The following SCML1 variants were observed in gnomAD, a reference collection of about 807,000 sequenced individuals.
SCML1 encodes the protein sex comb on midleg-like protein 1.
For missense variants in SCML1, 137 were observed against 258.1 expected, an observed-to-expected ratio of 0.53 and a Z score of 3.22; for synonymous variants, 104 against 103.6, an observed-to-expected ratio of 1.00 and a Z score of -0.02.
In SCML1 at chrX:17,754,110, A is replaced by G. The variant is rs2066740510; in HGVS notation, c.*718A>G. 1 of 111,994 alleles carries G rather than the reference A, an allele frequency of 8.9e-6. No homozygotes were observed. Among genetic ancestry groups the G allele is most frequent in the Non-Finnish European group, 1.9e-5 (1 of 53,197 alleles). The allele number at this position is 111,994 out of a possible 1,213,427, so 9.2% of individuals were successfully genotyped here. ...TACTTTTTTTCAAACAAACTATTAT[A>G]TTAAAACTGTCATATTTTGGCTAAG... On this transcript the variant is annotated 3_prime_UTR_variant, in exon 8 of 8. Coordinates refer to ENST00000380041, the MANE Select transcript of SCML1 (RefSeq NM_001037540.3).
intron 2 of SCML1, 99 bp from the exon 3 acceptor site, chrX:17,745,357 C>A: frequency 2.0e-6 from 1 of 501,814 alleles, no homozygotes; most frequent in Non-Finnish European, 3.5e-6. Flanking sequence ...CACAAATAGG[C>A]CTTTGTAACA....
intron 1 of SCML1, among the ~76,000 whole-genome samples, chrX:17,738,152 T>G (rs2066557443): frequency 8.9e-6 from 1 of 112,780 alleles, no homozygotes; most frequent in African/African-American, 3.2e-5. Context: ...TTCGCTGTTT[T>G]ATTGTAAATA....
intron 1 of SCML1, among the ~76,000 whole-genome samples, chrX:17,743,165 C>T (rs1001380220): frequency 8.0e-5 from 9 of 112,047 alleles, no homozygotes; most frequent in African/African-American, 2.9e-4. Context: ...TACTTCTATG[C>T]AACATTAGTC....
intron 6 of SCML1, 71 bp from the exon 7 acceptor site, chrX:17,751,742 ATC>A: frequency 9.4e-7 from 1 of 1,069,182 alleles, no homozygotes. Flanking sequence ...CTTACCTAAC[ATC>A]TCTTCTTTCA....
In SCML1 at chrX:17,754,599, A is replaced by G. The variant is rs1883526329; in HGVS notation, c.*1207A>G. 1 of 113,064 alleles carries G rather than the reference A, an allele frequency of 8.8e-6. No homozygotes were observed. The highest frequency in any genetic ancestry group is 9.4e-5 in the Admixed American group (1 of 10,669). 9.3% of individuals were successfully genotyped at this position (113,064 alleles called of 1,213,427 possible). A position where few individuals can be genotyped will look rare whatever the true frequency, so the allele number is the denominator to read the frequency against. Reference sequence around the variant, plus strand: ...GTAAGTTAGAACTTTCAAGGGAAACATGTTCAACACTATTATTTTGTTATA... The same window carrying G: ...GTAAGTTAGAACTTTCAAGGGAAACGTGTTCAACACTATTATTTTGTTATA... On this transcript the variant is annotated 3_prime_UTR_variant, in exon 8 of 8. Coordinates refer to ENST00000380041, the MANE Select transcript of SCML1 (RefSeq NM_001037540.3).
In SCML1 at chrX:17,754,319, T is replaced by C. The variant is rs1033765182; in HGVS notation, c.*927T>C. On this transcript the variant is annotated 3_prime_UTR_variant, in exon 8 of 8. Coordinates refer to ENST00000380041, the MANE Select transcript of SCML1 (RefSeq NM_001037540.3). ...AAAAAATTTGAAATGGCATTTTGTA[T>C]TGCCACAGAGGTAGGATGAGCCATA... The C allele has an allele frequency of 7.1e-5, 8 of 112,367 alleles. No individual in the cohort carries two copies. The highest frequency in any genetic ancestry group is 1.5e-4 in the Non-Finnish European group (8 of 53,247). The allele number at this position is 112,367 out of a possible 1,213,427, so 9.3% of individuals were successfully genotyped here.
Position 17,749,476 on chromosome X carries a change from T to C in SCML1, c.275T>C (p.Phe92Ser). ...IRRKVSKIQR[F>S]HARSLWTNHK... ...AGAAAGGTTTCAAAAATCCAACGTT[T>C]CCATGCGAGATCCCTGTGGACAAAT... Residue 92 changes from phenylalanine to serine, a missense_variant, in exon 5 of 8, where the codon TTC becomes TCC. Physicochemically the swap from Phe to Ser is radical, Grantham distance 155. Coordinates refer to ENST00000380041, the MANE Select transcript of SCML1 (RefSeq NM_001037540.3). 8.5e-7 allele frequency: 1 copy of C among 1,182,856 alleles called. No individual in the cohort carries two copies. The highest frequency in any genetic ancestry group is 1.8e-5 in the South Asian group (1 of 54,752).
At chrX:17,739,003 T>C (rs953133200) in intron 1 of SCML1, among the ~76,000 whole-genome samples, 14 of 112,530 alleles carry the variant, frequency 1.2e-4, no homozygotes, top group African/African-American at 4.5e-4. Flanking sequence ...ATTTCTGTGG[T>C]AAATACAAGT....
rs1456958702 is a variant in SCML1 at position 17,741,779 on chromosome X, A to ATG, written c.-116-2292_-116-2291insTG. Among the ~76,000 whole-genome samples the ATG allele has an allele frequency of 2.7e-5, 3 of 111,168 alleles. No homozygotes were observed. In the East Asian group the frequency reaches 8.5e-4, roughly 32 times the overall value. On this transcript the variant is annotated intron_variant, in intron 1 of 7. Coordinates refer to ENST00000380041, the MANE Select transcript of SCML1 (RefSeq NM_001037540.3). ...AAGGGGCTTTCCTGGCCCAACCAGA[A>ATG]ACAAACTAAGAACCCATGACTATAT...
At chrX:17,745,154 C>T (rs1238030206) in intron 2 of SCML1, 1 of 173,532 alleles carries the variant, frequency 5.8e-6, no homozygotes, top group African/African-American at 3.0e-5. Context: ...TTTCTTTGTT[C>T]ATGGTTAGAA....
chrX:17,752,071 C>A, intron 7 of SCML1, 105 bp downstream of exon 7: 1 of 852,116 alleles, frequency 1.2e-6, no homozygotes. Context: ...ACCCTATTAG[C>A]TGATTTTTCC....
chrX:17,737,287 C>A (rs2066542922), upstream of SCML1, among the ~76,000 whole-genome samples: 1 of 108,115 alleles, frequency 9.2e-6, no homozygotes, highest in East Asian at 3.0e-4. Context: ...AAATTCCCGC[C>A]CTCGGCCCCG....
At chrX:17,753,189 A>G in intron 7 of SCML1, 69 bp from the exon 8 acceptor site, 1 of 946,129 alleles carries the variant, frequency 1.1e-6, no homozygotes, top group Non-Finnish European at 1.4e-6. Flanking sequence ...ATGTTCTCAT[A>G]AAGAACTAAC....
At chrX:17,744,387 C>A in intron 2 of SCML1, 168 bp downstream of exon 2, 1 of 361,361 alleles carries the variant, frequency 2.8e-6, no homozygotes, top group Non-Finnish European at 4.7e-6. Flanking sequence ...GTACAAGTTT[C>A]TTTGTGAACA....
In SCML1 at chrX:17,744,211, A is replaced by G. The variant is rs777123192; in HGVS notation, c.25A>G (p.Ile9Val). MMSNSSSE[I>V]DVIKTRIPTY... ...AATGATGTCTAACAGCTCCAGTGAAATCGATGTGGTTTGTATTCAAATTGA... is the reference window on the plus strand; with the variant it reads ...AATGATGTCTAACAGCTCCAGTGAAGTCGATGTGGTTTGTATTCAAATTGA... The change falls in exon 2 of 8, where the codon ATC (isoleucine) becomes GTC (valine). Residue 9 changes from isoleucine to valine, a missense_variant. Coordinates refer to ENST00000380041, the MANE Select transcript of SCML1 (RefSeq NM_001037540.3). 8.3e-7 allele frequency: 1 copy of G among 1,202,803 alleles called. No homozygotes were observed. The highest frequency in any genetic ancestry group is 2.3e-4 in the Middle Eastern group (1 of 4,323).
intron 7 of SCML1, among the ~76,000 whole-genome samples, 191 bp from the exon 8 acceptor site, chrX:17,753,067 C>T (rs1161486084): frequency 2.7e-5 from 3 of 109,850 alleles, no homozygotes; most frequent in African/African-American, 9.9e-5. Flanking sequence ...TGAGTTTATA[C>T]ATTACCAAAC....
chrX:17,746,994 C>T lies in SCML1; in HGVS notation c.198+896C>T, dbSNP rs150274824. ...TAGATCACAGAGGTGGCACTCCAGC[C>T]TGCCTTGTTCTTTCATCCCAGTTCC... On this transcript the variant is annotated intron_variant, in intron 4 of 7. Transcript: ENST00000380041. Among the ~76,000 whole-genome samples the T allele has an allele frequency of 4.8e-3, 540 of 112,367 alleles. 2 individuals are homozygous for T. Among genetic ancestry groups the T allele is most frequent in the Middle Eastern group, 9.3e-3 (2 of 215 alleles).
chrX:17,746,965 G>A (rs1349517093), intron 4 of SCML1, among the ~76,000 whole-genome samples: 8 of 112,269 alleles, frequency 7.1e-5, no homozygotes, highest in Admixed American at 9.3e-5. Context: ...TCCCCTACCC[G>A]TTCTAGATCA....
intron 1 of SCML1, among the ~76,000 whole-genome samples, chrX:17,742,591 C>A (rs957331634): frequency 5.4e-5 from 6 of 112,053 alleles, no homozygotes; most frequent in African/African-American, 1.9e-4. Flanking sequence ...CCCCAACAGC[C>A]CTCCTTAGTG....
Sources: allele counts gnomAD v4.1 joint callset (sites outside exome capture counted in the v4.1 genomes callset), GRCh38; gene constraint gnomAD v4.1.1; transcripts MANE v1.5; gene names NCBI Gene and HGNC (gene_info 2026-07-23, HGNC 2026-07-21).